The following DHX9 variants were observed in gnomAD, a reference collection of about 807,000 sequenced individuals.
DHX9 encodes the protein DExH-box helicase 9.
In DHX9, 27 loss-of-function variants were observed where a neutral mutation model predicts 148.7. The observed-to-expected ratio is 0.18, with a 90% CI of 0.13 to 0.25. The LOEUF (loss-of-function observed/expected upper bound fraction) is 0.25, where lower values mean the gene tolerates loss of function less well. Ranked by LOEUF, DHX9 falls within the 10% of genes least tolerant of loss-of-function variation. The probability of loss-of-function intolerance (pLI) is 1.00; values close to 1 mark genes in which losing one functional copy is unlikely to be tolerated. For synonymous variants in DHX9, 529 were observed against 516.6 expected (o/e 1.02, Z -0.33); for missense variants, 796 against 1,559.6 (o/e 0.51, Z 8.25).
intron 3 of DHX9, among the ~76,000 whole-genome samples, chr1:182,849,194 G>T (rs1191817943): frequency 6.6e-6 from 1 of 151,478 alleles, no homozygotes; most frequent in Admixed American, 6.6e-5. Context: ...AAGTGAGCAT[G>T]TAGAGGATAT....
rs747184284 is a variant in DHX9 at position 182,859,163 on chromosome 1, G to A, written c.1140+46G>A. ...CAAGTAGTGCTCAGAGCTTCAGAATGTTCTAGGTATGGGTAAAAAGTCAAT... is the reference window on the plus strand; with the variant it reads ...CAAGTAGTGCTCAGAGCTTCAGAATATTCTAGGTATGGGTAAAAAGTCAAT... On this transcript the variant is annotated intron_variant, in intron 11 of 27. Coordinates refer to ENST00000367549, the MANE Select transcript of DHX9 (RefSeq NM_001357.5). 6.4e-6 allele frequency: 10 copies of A among 1,559,564 alleles called. No individual in the cohort carries two copies. The Admixed American group carries it at 1.0e-4, about 16-fold the overall frequency.
Position 182,887,261 on chromosome 1 carries a change from G to C in DHX9, c.3640G>C (p.Val1214Leu). ...CTTTCGGGCAGGATATGGTGCAGGT[G>C]TTGGTGGAGGCTATAGAGGAGTTTC... is the stretch of plus-strand genomic sequence containing the variant. ...NSFRAGYGAG[V>L]GGGYRGVSRG... Residue 1214 changes from valine to leucine, a missense_variant, in exon 28 of 28, where the codon GTT becomes CTT. This residue lies in a region of DHX9 where 98 missense variants were observed against 105.5 expected (regional missense o/e 0.93). Coordinates refer to ENST00000367549, the MANE Select transcript of DHX9 (RefSeq NM_001357.5). 1.2e-6 allele frequency: 2 copies of C among 1,614,192 alleles called. No homozygotes were observed. The highest frequency in any genetic ancestry group is 1.7e-6 in the Non-Finnish European group (2 of 1,180,044).
chr1:182,862,417 G>C (rs879883598), intron 12 of DHX9, among the ~76,000 whole-genome samples: 5 of 152,168 alleles, frequency 3.3e-5, no homozygotes, highest in Non-Finnish European at 7.4e-5. Context: ...TTTTAAGTAG[G>C]AAATAGTTGT....
chr1:182,874,274 G>C (rs183541045), intron 15 of DHX9, among the ~76,000 whole-genome samples: 4 of 152,276 alleles, frequency 2.6e-5, no homozygotes, highest in Admixed American at 2.6e-4. Context: ...AGGTGATCAA[G>C]TTTTAACATC....
rs557980265 is a variant in DHX9, at chr1:182,853,826, T to G, written c.478-204T>G. Among the ~76,000 whole-genome samples the G allele has an allele frequency of 5.3e-5, 8 of 152,290 alleles. No individual in the cohort carries two copies. The East Asian group carries it at 1.5e-3, about 29-fold the overall frequency. ...TTTTTGGAAGAATTTAAATGCAATG[T>G]ATTAACTAATAGCTTGTTTATATAA... On this transcript the variant is annotated intron_variant, in intron 5 of 27. Transcript: ENST00000367549.
chr1:182,866,855 AT>A, intron 13 of DHX9, 105 bp from the exon 14 acceptor site: 1 of 905,206 alleles, frequency 1.1e-6, no homozygotes, highest in South Asian at 1.7e-5. Context: ...ACATGTGATT[AT>A]TTTCTAAAAT....
intron 14 of DHX9, among the ~76,000 whole-genome samples, chr1:182,867,560 GC>G (rs989442475): frequency 2.6e-5 from 4 of 152,048 alleles, no homozygotes; most frequent in Non-Finnish European, 4.4e-5. Context: ...CCACCACCAT[GC>G]CCGACTGATT....
intron 14 of DHX9, among the ~76,000 whole-genome samples, chr1:182,870,581 C>G (rs1419525290): frequency 1.3e-5 from 2 of 152,170 alleles, no homozygotes. Flanking sequence ...GAACTGGAAA[C>G]TAATGGTTAT....
intron 7 of DHX9, 69 bp from the exon 8 acceptor site, chr1:182,858,035 T>C: frequency 6.6e-7 from 1 of 1,519,394 alleles, no homozygotes. Flanking sequence ...GCCCATAGTT[T>C]CTTGTGATAA....
chr1:182,873,185 G>A (rs779536724), intron 15 of DHX9, among the ~76,000 whole-genome samples: 1 of 152,124 alleles, frequency 6.6e-6, no homozygotes, highest in Non-Finnish European at 1.5e-5. Context: ...CAAACTCATG[G>A]ACTCAAGCAG....
intron 13 of DHX9, 36 bp downstream of exon 13, chr1:182,866,621 AT>A: frequency 6.3e-7 from 1 of 1,588,742 alleles, no homozygotes; most frequent in Non-Finnish European, 8.6e-7. Flanking sequence ...TTTGGGGTTT[AT>A]ATTGTGGTTG....
intron 26 of DHX9, 134 bp from the exon 27 acceptor site, chr1:182,884,479 G>A: frequency 5.2e-6 from 4 of 771,684 alleles, no homozygotes; most frequent in South Asian, 3.8e-5. Context: ...GCCATTATAA[G>A]TAGTTTTTTT....
At chr1:182,841,867 C>T (rs980913584) in intron 1 of DHX9, among the ~76,000 whole-genome samples, 14 of 152,054 alleles carry the variant, frequency 9.2e-5, no homozygotes, top group Non-Finnish European at 1.8e-4. Flanking sequence ...ATAAAAAGGC[C>T]TAAAGGAGAG....
At chr1:182,848,743 A>G (rs1668076543) in intron 3 of DHX9, among the ~76,000 whole-genome samples, 1 of 152,228 alleles carries the variant, frequency 6.6e-6, no homozygotes, top group African/African-American at 2.4e-5. Context: ...ACAATTATGC[A>G]GGCTTTACAG....
intron 3 of DHX9, among the ~76,000 whole-genome samples, chr1:182,848,030 C>T (rs1377456114): frequency 6.6e-6 from 1 of 152,148 alleles, no homozygotes; most frequent in African/African-American, 2.4e-5. Context: ...TTCCTACTTT[C>T]TTCCTTATTT....
intron 4 of DHX9, among the ~76,000 whole-genome samples, chr1:182,852,778 C>T (rs1005597692): frequency 6.6e-5 from 10 of 152,130 alleles, no homozygotes; most frequent in African/African-American, 2.2e-4. Context: ...TTATAGTCTT[C>T]GTTTCCAAGA....
rs1354200590 is a variant in DHX9 at position 182,842,729 on chromosome 1, G to A, written c.111+52G>A. ...TGTGATTTATGAGGTTCATTTTGGG[G>A]TTAAAAGAAAAATGTTTTCTGTTTG... is the stretch of plus-strand genomic sequence containing the variant. On this transcript the variant is annotated intron_variant, in intron 2 of 27. Coordinates refer to ENST00000367549, the MANE Select transcript of DHX9 (RefSeq NM_001357.5). 4.2e-6 allele frequency: 6 copies of A among 1,437,754 alleles called. No individual in the cohort carries two copies. In the African/African-American group the frequency reaches 8.6e-5, roughly 21 times the overall value. The allele number at this position is 1,437,754 out of a possible 1,614,324, so 89.1% of individuals were successfully genotyped here. A position where few individuals can be genotyped will look rare whatever the true frequency, so the allele number is the denominator to read the frequency against.
chr1:182,886,438 C>T (rs540498479), intron 27 of DHX9, among the ~76,000 whole-genome samples: 20 of 152,170 alleles, frequency 1.3e-4, no homozygotes, highest in African/African-American at 4.8e-4. Flanking sequence ...TCAGGTGATC[C>T]ACCCACCTCA....
At chr1:182,886,353 G>A (rs967045723) in intron 27 of DHX9, among the ~76,000 whole-genome samples, 2 of 151,700 alleles carry the variant, frequency 1.3e-5, no homozygotes, top group African/African-American at 4.8e-5. Flanking sequence ...ACACTGCCAC[G>A]CCCAGCTAAT....
Sources: gnomAD v4.1 joint callset for allele counts (sites outside exome capture counted in the v4.1 genomes callset) on GRCh38, gnomAD v4.1.1 for gene constraint, gnomAD v4.1.1 regional missense constraint, MANE v1.5 for transcripts, NCBI Gene and HGNC (gene_info 2026-07-23, HGNC 2026-07-21) for gene names.